The following KANK4 variants were observed in gnomAD, a reference collection of about 807,000 sequenced individuals.
KANK4 encodes the protein KN motif and ankyrin repeat domain-containing protein 4.
A neutral mutation model predicts 80.8 loss-of-function variants in KANK4; 50 were observed. The ratio of observed to expected loss-of-function variants is 0.62; its 90% confidence interval spans 0.49 to 0.78. KANK4 has a LOEUF of 0.78. KANK4 is among the 30% of genes least tolerant of loss of function. The pLI, the probability that KANK4 is intolerant of heterozygous loss-of-function variation, is 0.00. For missense variants in KANK4, 1,196 were observed against 1,240.1 expected (o/e 0.96, Z 0.53); for synonymous variants, 465 against 506.9 (o/e 0.92, Z 1.11).
In KANK4 at chr1:62,267,472, T is replaced by C. The variant is rs1672050146; in HGVS notation, c.2232-653A>G. Among the ~76,000 whole-genome samples the C allele has an allele frequency of 3.3e-5, 5 of 152,236 alleles. No homozygotes were observed. In the South Asian group the frequency reaches 8.3e-4, roughly 25 times the overall value. ...TCCCAAACTGCTGGGATTACAGCTA[T>C]AAGCTGTGGTGCCTGGCTGCTCCCA... On this transcript the variant is annotated intron_variant, in intron 5 of 9. Transcript: ENST00000371153.
intron 4 of KANK4, 40 bp from the exon 5 acceptor site, chr1:62,268,545 G>T (rs1349528779): frequency 6.5e-7 from 1 of 1,535,940 alleles, no homozygotes; most frequent in South Asian, 1.1e-5. Flanking sequence ...TGTCTTTCCT[G>T]CCCAGTGCCC....
At chr1:62,310,699 T>C (rs956196914) in intron 1 of KANK4, among the ~76,000 whole-genome samples, 1 of 152,134 alleles carries the variant, frequency 6.6e-6, no homozygotes, top group Non-Finnish European at 1.5e-5. Context: ...TAGTGCCTGC[T>C]GCTCATGTTG....
Position 62,275,027 on chromosome 1 carries a change from G to A in KANK4, c.77C>T (p.Ser26Phe). 1 of 1,614,010 alleles carries A rather than the reference G, an allele frequency of 6.2e-7. No homozygotes were observed. Among genetic ancestry groups the A allele is most frequent in the Non-Finnish European group, 8.5e-7 (1 of 1,179,992 alleles). Residue 26 changes from serine (S) to phenylalanine (F), a missense_variant, in exon 3 of 10, where the codon TCT becomes TTT. Ser to Phe is a radical substitution (Grantham distance 155). This residue lies in a region of KANK4 where 36 missense variants were observed against 34.0 expected (regional missense o/e 1.06). Transcript: ENST00000371153. ...ATGAAAGCCATATGGGGTCTCCACA[G>A]AATAAGGGTGGCTCTTCGGAGGGTC... The part of the protein sequence containing the change: ...EKDPPKSHPY[S>F]VETPYGFHLD...
chr1:62,267,601 A>G (rs527971323), intron 5 of KANK4, among the ~76,000 whole-genome samples: 9 of 152,256 alleles, frequency 5.9e-5, no homozygotes, highest in African/African-American at 2.2e-4. Context: ...GGTGTTCAAG[A>G]TCAGCCTGGC....
chr1:62,257,343 T>C (rs1671775513), intron 7 of KANK4, among the ~76,000 whole-genome samples: 1 of 152,176 alleles, frequency 6.6e-6, no homozygotes, highest in Non-Finnish European at 1.5e-5. Flanking sequence ...CTGCCTTGGC[T>C]TCTCAAAGTG....
At chr1:62,246,007 C>G (rs1671456498) in intron 9 of KANK4, among the ~76,000 whole-genome samples, 2 of 152,102 alleles carry the variant, frequency 1.3e-5, no homozygotes. Flanking sequence ...GTTCCACTAG[C>G]TGAGTAATCT....
intron 7 of KANK4, among the ~76,000 whole-genome samples, chr1:62,256,991 T>C (rs1671767135): frequency 6.6e-6 from 1 of 152,152 alleles, no homozygotes; most frequent in African/African-American, 2.4e-5. Context: ...TTTTATCTCT[T>C]TAGAAACATG....
Position 62,247,531 on chromosome 1 carries a change from C to T in KANK4, c.2824G>A (p.Val942Met), listed in dbSNP as rs370082247. ...GCCAGGAGCAGCCGCACCAGGTCCA[C>T]GTTGCCATGGTGACAGGCCACCATG... ...ALMVACHHGN[V>M]DLVRLLLAHP... Residue 942 changes from valine to methionine, a missense_variant, in exon 9 of 10, where the codon GTG (valine) becomes ATG (methionine). Val to Met is a conservative substitution (Grantham distance 21). Around this residue, in one of 3 missense-constraint regions of KANK4, gnomAD observed 1,154 missense variants for 1,179.6 expected, o/e 0.98. Transcript: ENST00000371153. The T allele has an allele frequency of 6.0e-5, 97 of 1,613,958 alleles. No individual in the cohort carries two copies. The highest frequency in any genetic ancestry group is 1.5e-4 in the Admixed American group (9 of 59,996).
intron 4 of KANK4, among the ~76,000 whole-genome samples, chr1:62,270,874 G>A (rs1672145248): frequency 6.6e-6 from 1 of 152,102 alleles, no homozygotes; most frequent in Non-Finnish European, 1.5e-5. Context: ...TCTGTTATCT[G>A]TGAGCTAAAG....
At chr1:62,264,399 G>A (rs554722190) in intron 6 of KANK4, among the ~76,000 whole-genome samples, 11 of 152,220 alleles carry the variant, frequency 7.2e-5, no homozygotes, top group African/African-American at 2.4e-4. Context: ...CAACAAGAGC[G>A]AAACTCCGTC....
intron 1 of KANK4, among the ~76,000 whole-genome samples, chr1:62,305,454 G>A (rs1256175986): frequency 3.3e-5 from 5 of 152,012 alleles, no homozygotes; most frequent in Non-Finnish European, 4.4e-5. Flanking sequence ...GATTACAGGC[G>A]CCTGCCACCA....
At position 62,268,455 on chromosome 1, in the gene KANK4, T is replaced by C. The variant is rs1372281128; in HGVS notation, c.2063A>G (p.Glu688Gly). ...CTCTGCCTCGCTGTCAGACAAGTCC[T>C]CTGGGGTGCTGTCCTCACCGCTGGT... ...EETSGEDSTPEDLSDSEAEKK... is the reference protein window; with the variant it reads ...EETSGEDSTPGDLSDSEAEKK... The change falls in exon 5 of 10, where the codon GAG (glutamate) becomes GGG (glycine). Residue 688 changes from glutamate (E) to glycine (G), a missense_variant. Transcript: ENST00000371153. 9 of 1,613,760 alleles carry C rather than the reference T, an allele frequency of 5.6e-6. No homozygotes were observed. Among genetic ancestry groups the C allele is most frequent in the Non-Finnish European group, 7.6e-6 (9 of 1,180,028 alleles).
intron 2 of KANK4, among the ~76,000 whole-genome samples, chr1:62,277,811 C>A (rs1672345836): frequency 6.6e-6 from 1 of 152,176 alleles, no homozygotes; most frequent in Admixed American, 6.5e-5. Context: ...GTGAGAATCA[C>A]TGAACTGAGC....
chr1:62,242,829 G>A (rs1671376354), intron 9 of KANK4, among the ~76,000 whole-genome samples: 1 of 152,146 alleles, frequency 6.6e-6, no homozygotes, highest in Non-Finnish European at 1.5e-5. Flanking sequence ...GGTATGATAA[G>A]GGCCAGACTT....
chr1:62,274,146 T>C lies in KANK4; in HGVS notation c.958A>G (p.Met320Val). The change falls in exon 3 of 10, where the codon ATG (methionine) becomes GTG (valine). Residue 320 changes from methionine to valine, a missense_variant. By Grantham distance (21) the Met-to-Val change is conservative. Coordinates refer to ENST00000371153, the MANE Select transcript of KANK4 (RefSeq NM_181712.5). ...GTTACCCTGATGCCAATGCTTCTCA[T>C]GTCCACCTCTACAGGTGGCGGGGGT... ...IPPPPPVEVDMRSIGIRVTEE... is the reference protein window; with the variant it reads ...IPPPPPVEVDVRSIGIRVTEE... 3 of 1,614,172 alleles carry C rather than the reference T, an allele frequency of 1.9e-6. No homozygotes were observed. The highest frequency in any genetic ancestry group is 1.1e-5 in the South Asian group (1 of 91,078).
In KANK4 at chr1:62,274,619, G is replaced by A; in HGVS notation, c.485C>T (p.Ala162Val). The change falls in exon 3 of 10, where the codon GCA becomes GTA. Residue 162 changes from alanine (A) to valine (V), a missense_variant. By Grantham distance (64) the Ala-to-Val change is moderately conservative. This residue lies in a region of KANK4 where 1,154 missense variants were observed against 1,179.6 expected (regional missense o/e 0.98). Transcript: ENST00000371153. ...FGSGRPQLLR[A>V]SSMPATLLHS... is the part of the protein sequence containing the mutation. ...CAGCAGCGTGGCAGGCATGCTGGAT[G>A]CTCTCAAGAGCTGGGGCCGTCCACT... is the stretch of plus-strand genomic sequence containing the variant. 2 of 1,614,122 alleles carry A rather than the reference G, an allele frequency of 1.2e-6. No individual in the cohort carries two copies. The highest frequency in any genetic ancestry group is 4.5e-5 in the East Asian group (2 of 44,878).
At chr1:62,242,171 T>C (rs1258197264) in intron 9 of KANK4, among the ~76,000 whole-genome samples, 1 of 151,568 alleles carries the variant, frequency 6.6e-6, no homozygotes, top group Admixed American at 6.6e-5. Flanking sequence ...CCAGGTATGG[T>C]GCAAAATTTG....
At position 62,291,929 on chromosome 1, in the gene KANK4, AT is replaced by A. The variant is rs1181582285; in HGVS notation, c.-70-10296del. Among the ~76,000 whole-genome samples the A allele has an allele frequency of 3.3e-5, 5 of 152,110 alleles. No individual in the cohort carries two copies. In the East Asian group the frequency reaches 7.7e-4, roughly 23 times the overall value. On this transcript the variant is annotated intron_variant, in intron 1 of 9. Coordinates refer to ENST00000371153, the MANE Select transcript of KANK4 (RefSeq NM_181712.5). ...GACAACTTTATTTTTTTGCATGGGA[AT>A]ATTCAGTTTTCCCAGCACCATTTGT...
intron 1 of KANK4, among the ~76,000 whole-genome samples, chr1:62,315,823 A>C (rs961141352): frequency 3.3e-5 from 5 of 152,208 alleles, no homozygotes; most frequent in Admixed American, 3.3e-4. Context: ...TACCTACCGA[A>C]GTGCAGGTTG....
Sources: allele counts gnomAD v4.1 joint callset (sites outside exome capture counted in the v4.1 genomes callset), GRCh38; gene constraint gnomAD v4.1.1; regional missense constraint gnomAD v4.1.1; transcripts MANE v1.5; gene names NCBI Gene and HGNC (gene_info 2026-07-23, HGNC 2026-07-21).